The following CAMK2D variants were observed in gnomAD, a reference collection of about 807,000 sequenced individuals.
CAMK2D encodes the protein calcium/calmodulin dependent protein kinase II delta, also known as calcium/calmodulin-dependent protein kinase type II subunit delta.
A neutral mutation model predicts 84.0 loss-of-function variants in CAMK2D; 37 were observed. The observed-to-expected ratio is 0.44, with a 90% CI of 0.34 to 0.58. The LOEUF is 0.58. CAMK2D is among the 20% of genes least tolerant of loss of function. CAMK2D has a pLI of 0.02. For synonymous variants in CAMK2D, 202 were observed against 212.5 expected, an observed-to-expected ratio of 0.95 and a Z score of 0.43; for missense variants, 448 against 652.5, an observed-to-expected ratio of 0.69 and a Z score of 3.41.
intron 2 of CAMK2D, among the ~76,000 whole-genome samples, chr4:113,688,853 C>A (rs2099368093): frequency 6.7e-6 from 1 of 148,826 alleles, no homozygotes; most frequent in African/African-American, 2.5e-5. Context: ...AATCCTATAC[C>A]CCAAAATGAC....
intron 13 of CAMK2D, among the ~76,000 whole-genome samples, chr4:113,508,863 A>G (rs1159484450): frequency 6.6e-6 from 1 of 152,164 alleles, no homozygotes; most frequent in Admixed American, 6.6e-5. Flanking sequence ...TGAAGTGTTG[A>G]TGAAGAATGT....
chr4:113,688,576 T>C (rs909493961), intron 2 of CAMK2D, among the ~76,000 whole-genome samples: 2 of 152,164 alleles, frequency 1.3e-5, no homozygotes. Flanking sequence ...ATGGCTGTCC[T>C]ATGAGGCACC....
chr4:113,581,529 A>AAAAAAAAAAGAAAAG (rs373642282), intron 4 of CAMK2D, among the ~76,000 whole-genome samples: 1 of 121,878 alleles, frequency 8.2e-6, no homozygotes, highest in African/African-American at 3.2e-5. Flanking sequence ...AAAAAAAAAA[A>AAAAAAAAAAGAAAAG]AAAAGAAAAG....
chr4:113,495,236 T>C (rs1265029380), intron 16 of CAMK2D, among the ~76,000 whole-genome samples: 1 of 152,212 alleles, frequency 6.6e-6, no homozygotes, highest in Admixed American at 6.5e-5. Context: ...GAAGTTATTA[T>C]ACACTACACT....
intron 2 of CAMK2D, chr4:113,753,961 T>C: frequency 1.0e-6 from 1 of 978,544 alleles, no homozygotes; most frequent in East Asian, 1.1e-4. Flanking sequence ...GCCATTCATG[T>C]CTTCTATTAT....
intron 16 of CAMK2D, among the ~76,000 whole-genome samples, chr4:113,489,707 G>T (rs1481829330): frequency 1.3e-5 from 2 of 148,460 alleles, no homozygotes; most frequent in Non-Finnish European, 3.0e-5. Flanking sequence ...GATCCCTGAG[G>T]AATCGCCACA....
intron 2 of CAMK2D, among the ~76,000 whole-genome samples, chr4:113,684,280 G>T (rs2099353526): frequency 6.6e-6 from 1 of 152,098 alleles, no homozygotes; most frequent in African/African-American, 2.4e-5. Flanking sequence ...ACATTGGATA[G>T]CCATGTATCA....
At chr4:113,569,997 C>T (rs956961741) in intron 4 of CAMK2D, among the ~76,000 whole-genome samples, 2 of 148,500 alleles carry the variant, frequency 1.3e-5, no homozygotes, top group Non-Finnish European at 1.5e-5. Context: ...ATACTAACAA[C>T]AGAGTATATG....
At chr4:113,651,480 G>T (rs2099172054) in intron 3 of CAMK2D, among the ~76,000 whole-genome samples, 1 of 152,092 alleles carries the variant, frequency 6.6e-6, no homozygotes, top group Admixed American at 6.5e-5. Flanking sequence ...AAAAAGAAAT[G>T]CTATAATTGA....
chr4:113,457,545 T>G lies in CAMK2D; in HGVS notation c.1325A>C (p.Lys442Thr), dbSNP rs1478369761. ...YFENALSKSN[K>T]PIHTIILNPH... ...GTTTAGAATAATAGTGTGGATTGGT[T>G]TATTGCTTTTGGACAAAGCTGAAAG... is the stretch of plus-strand genomic sequence containing the variant. The change falls in exon 19 of 21, where the codon AAA becomes ACA. Residue 442 changes from lysine to threonine, a missense_variant. Physicochemically the swap from Lys to Thr is moderately conservative, Grantham distance 78. Transcript: ENST00000511664. The G allele has an allele frequency of 6.2e-7, 1 of 1,613,398 alleles. No homozygotes were observed. Among genetic ancestry groups the G allele is most frequent in the Admixed American group, 1.7e-5 (1 of 59,942 alleles).
At position 113,761,557 on chromosome 4, in the gene CAMK2D, T is replaced by TAA. The variant is rs1189773279; in HGVS notation, c.-490_-489insTT. On this transcript the variant is annotated 5_prime_UTR_variant, in exon 1 of 21. Coordinates refer to ENST00000511664, the MANE Select transcript of CAMK2D (RefSeq NM_001321571.2). ...GCCGCGGAGCCCAGAGCGGACAGCCTGAGCCCAGCGGCCGCTGTCAGCAGG... is the reference window on the plus strand; with the variant it reads ...GCCGCGGAGCCCAGAGCGGACAGCCTAAGAGCCCAGCGGCCGCTGTCAGCAGG... 3.0e-6 allele frequency: 3 copies of TAA among 986,304 alleles called. No homozygotes were observed. The highest frequency in any genetic ancestry group is 9.3e-5 in the South Asian group (2 of 21,396). 61.1% of individuals were successfully genotyped at this position (986,304 alleles called of 1,614,324 possible). A position where few individuals can be genotyped will look rare whatever the true frequency, so the allele number is the denominator to read the frequency against.
intron 16 of CAMK2D, among the ~76,000 whole-genome samples, chr4:113,479,504 T>C (rs2097672418): frequency 6.6e-6 from 1 of 152,230 alleles, no homozygotes; most frequent in Admixed American, 6.5e-5. Flanking sequence ...ATTAAGTGCC[T>C]ATTATATGGT....
chr4:113,751,491 G>T (rs966307773), intron 2 of CAMK2D, among the ~76,000 whole-genome samples: 2 of 151,780 alleles, frequency 1.3e-5, no homozygotes, highest in Admixed American at 6.6e-5. Flanking sequence ...TAAAATTTTG[G>T]CCAGGTGCGG....
intron 3 of CAMK2D, among the ~76,000 whole-genome samples, chr4:113,657,137 T>A (rs2099204833): frequency 6.6e-6 from 1 of 152,162 alleles, no homozygotes; most frequent in Non-Finnish European, 1.5e-5. Flanking sequence ...GTCATTGCTG[T>A]GTTTGGAATG....
At chr4:113,477,242 C>G (rs114281909) in intron 16 of CAMK2D, among the ~76,000 whole-genome samples, 1 of 152,296 alleles carries the variant, frequency 6.6e-6, no homozygotes, top group African/African-American at 2.4e-5. Context: ...GCCCAAGAGC[C>G]ATTTCCGTGC....
rs552115181 is a variant in CAMK2D at position 113,709,317 on chromosome 4, CTT to C, written c.161-47547_161-47546del. ...AAATTAAGATTATCATTTTTTATGA[CTT>C]AAGAATATTATCTGTTTTAACTTAA... On this transcript the variant is annotated intron_variant, in intron 2 of 20. Coordinates refer to ENST00000511664, the MANE Select transcript of CAMK2D (RefSeq NM_001321571.2). Among the ~76,000 whole-genome samples the C allele has an allele frequency of 3.3e-5, 5 of 151,642 alleles. No homozygotes were observed. The South Asian group carries it at 1.0e-3, about 32-fold the overall frequency.
chr4:113,590,146 T>C (rs2098859596), intron 4 of CAMK2D, among the ~76,000 whole-genome samples: 1 of 152,124 alleles, frequency 6.6e-6, no homozygotes, highest in South Asian at 2.1e-4. Context: ...AATGAATAAG[T>C]GAATGGATAA....
At chr4:113,587,137 T>C (rs1217252207) in intron 4 of CAMK2D, among the ~76,000 whole-genome samples, 4 of 152,162 alleles carry the variant, frequency 2.6e-5, no homozygotes, top group Non-Finnish European at 5.9e-5. Context: ...TGACCTTAGG[T>C]AAAGCAAATA....
chr4:113,721,234 T>C (rs1411465368), intron 2 of CAMK2D, among the ~76,000 whole-genome samples: 1 of 152,034 alleles, frequency 6.6e-6, no homozygotes, highest in African/African-American at 2.4e-5. Flanking sequence ...AATAAGAGAG[T>C]GGAAAGGTAA....
Sources: gnomAD v4.1 joint callset for allele counts (sites outside exome capture counted in the v4.1 genomes callset) on GRCh38, gnomAD v4.1.1 for gene constraint, MANE v1.5 for transcripts, NCBI Gene and HGNC (gene_info 2026-07-23, HGNC 2026-07-21) for gene names.